EYA1: variants seen among roughly 807,000 people sequenced by gnomAD.
EYA1 encodes the protein EYA transcriptional coactivator and phosphatase 1, also known as protein phosphatase EYA1.
A neutral mutation model predicts 82.0 loss-of-function variants in EYA1; 16 were observed. The observed-to-expected ratio is 0.20, with a 90% CI of 0.13 to 0.30. The LOEUF (loss-of-function observed/expected upper bound fraction) is 0.30. Ranked by LOEUF, EYA1 falls within the 10% of genes least tolerant of loss-of-function variation. The pLI is 1.00. For synonymous variants in EYA1, 261 were observed against 264.4 expected, an observed-to-expected ratio of 0.99 and a Z score of 0.12; for missense variants, 633 against 730.7, an observed-to-expected ratio of 0.87 and a Z score of 1.54.
At chr8:71,280,733 G>T (rs1176469762) in intron 9 of EYA1, among the ~76,000 whole-genome samples, 3 of 152,100 alleles carry the variant, frequency 2.0e-5, no homozygotes, top group Admixed American at 2.0e-4. Context: ...GGAGAACAAT[G>T]TTGGAAAACT....
intron 1 of EYA1, among the ~76,000 whole-genome samples, chr8:71,545,292 G>T (rs1008934266): frequency 6.6e-6 from 1 of 152,056 alleles, no homozygotes; most frequent in Admixed American, 6.5e-5. Context: ...CTTCATAAAG[G>T]ATAAAAGGTC....
intron 3 of EYA1, among the ~76,000 whole-genome samples, chr8:71,339,449 T>C: frequency 6.6e-6 from 1 of 152,176 alleles, no homozygotes; most frequent in East Asian, 1.9e-4. Context: ...ACCCTGTTGC[T>C]TGCCAGACCC....
chr8:71,349,802 C>T (rs776220333), intron 3 of EYA1, among the ~76,000 whole-genome samples: 23 of 152,056 alleles, frequency 1.5e-4, no homozygotes, highest in Non-Finnish European at 3.2e-4. Context: ...ATGTTGTTGA[C>T]AATGTTTTAA....
intron 2 of EYA1, chr8:71,404,130 T>A (rs1830094477): frequency 6.6e-6 from 1 of 152,180 alleles, no homozygotes; most frequent in South Asian, 2.1e-4. Context: ...ACATATTTCA[T>A]CCCTACTTAG....
Position 71,494,109 on chromosome 8 carries a change from C to A in EYA1, c.33+41635G>T, listed in dbSNP as rs116008201. On this transcript the variant is annotated intron_variant, in intron 2 of 18. Transcript: ENST00000643681. ...TTATAAGAATTTTCAAAATAAAATCCAGTTTAAACTTATTAGGTTTTATTA... is the reference window on the plus strand; with the variant it reads ...TTATAAGAATTTTCAAAATAAAATCAAGTTTAAACTTATTAGGTTTTATTA... Among the ~76,000 whole-genome samples, 27 of 149,604 alleles carry A rather than the reference C, an allele frequency of 1.8e-4. 1 individual carries two copies. The highest frequency in any genetic ancestry group is 3.8e-4 in the Non-Finnish European group (26 of 67,546).
chr8:71,214,392 C>T (rs568314255), intron 16 of EYA1, among the ~76,000 whole-genome samples: 28 of 152,288 alleles, frequency 1.8e-4, no homozygotes, highest in Admixed American at 4.6e-4. Flanking sequence ...AGCCCATCTA[C>T]CTGTTGAACT....
chr8:71,203,392 C>T (rs1277210114), intron 17 of EYA1, among the ~76,000 whole-genome samples: 1 of 152,136 alleles, frequency 6.6e-6, no homozygotes, highest in Non-Finnish European at 1.5e-5. Context: ...AATTTTATTA[C>T]AGTGTAAGGC....
At chr8:71,510,265 T>C (rs1409024335) in intron 2 of EYA1, among the ~76,000 whole-genome samples, 2 of 152,084 alleles carry the variant, frequency 1.3e-5, no homozygotes, top group South Asian at 2.1e-4. Context: ...CTCACCACGA[T>C]TGAAAACACA....
chr8:71,534,604 G>A (rs1469962192), intron 2 of EYA1, among the ~76,000 whole-genome samples: 1 of 152,134 alleles, frequency 6.6e-6, no homozygotes, highest in Non-Finnish European at 1.5e-5. Flanking sequence ...ATGCTTCAGG[G>A]ACATGGATGA....
At chr8:71,414,710 C>T (rs1274731581) in intron 2 of EYA1, among the ~76,000 whole-genome samples, 2 of 152,202 alleles carry the variant, frequency 1.3e-5, no homozygotes, top group African/African-American at 4.8e-5. Flanking sequence ...AGCCAAGTCA[C>T]ATGGGAACTC....
rs148401719 is a variant in EYA1 at position 71,280,666 on chromosome 8, T to C, written c.827-8769A>G. 4.7e-3 allele frequency among the ~76,000 whole-genome samples: 719 copies of C among 152,362 alleles called. 2 individuals are homozygous for C. Among genetic ancestry groups the C allele is most frequent in the Non-Finnish European group, 6.9e-3 (472 of 68,026 alleles). ...CCACTGAAACCAAATGCTCACAACA[T>C]GGAATGTATACATGTGCACACATTC... is the stretch of plus-strand genomic sequence containing the variant. On this transcript the variant is annotated intron_variant, in intron 9 of 17. Coordinates refer to ENST00000340726, the MANE Select transcript of EYA1 (RefSeq NM_000503.6).
In EYA1 at chr8:71,215,373, G is replaced by T. The variant is rs1809054379; in HGVS notation, c.1597+14C>A. 6.2e-7 allele frequency: 1 copy of T among 1,610,826 alleles called. No individual in the cohort carries two copies. The highest frequency in any genetic ancestry group is 2.2e-5 in the East Asian group (1 of 44,828). On this transcript the variant is annotated intron_variant, in intron 16 of 17. Coordinates refer to ENST00000340726, the MANE Select transcript of EYA1 (RefSeq NM_000503.6). ...AAAGAGCTGATTGTTAAAAAGAAAA[G>T]AAAAGCAGCTCACCTATTTTAGTTG... is the stretch of plus-strand genomic sequence containing the variant.
intron 9 of EYA1, among the ~76,000 whole-genome samples, chr8:71,280,266 C>T (rs1038636011): frequency 3.3e-5 from 5 of 152,136 alleles, no homozygotes; most frequent in African/African-American, 7.2e-5. Context: ...AAGAAAAATT[C>T]GAAGACCCTA....
rs555865274 is a variant in EYA1, at chr8:71,425,214, C to T, written c.34-68703G>A. Among the ~76,000 whole-genome samples, 974 of 150,282 alleles carry T rather than the reference C, an allele frequency of 6.5e-3. 9 individuals carry two copies. Among genetic ancestry groups the T allele is most frequent in the Non-Finnish European group, 9.4e-3 (638 of 67,794 alleles). On this transcript the variant is annotated intron_variant, in intron 2 of 18. Transcript: ENST00000643681. ...AGGAGAATGGTGTGAACCCGGGAGG[C>T]AGAGCTTGCAGGGAGCTGAGATCAT... is the stretch of plus-strand genomic sequence containing the variant.
chr8:71,461,605 G>A (rs1030803143), intron 2 of EYA1, among the ~76,000 whole-genome samples: 1 of 152,186 alleles, frequency 6.6e-6, no homozygotes, highest in Non-Finnish European at 1.5e-5. Flanking sequence ...AATGTGGCAA[G>A]GAAGGGGCAT....
In EYA1 at chr8:71,264,753, A is replaced by AT. The variant is rs568779440; in HGVS notation, c.1050+4986dup. Among the ~76,000 whole-genome samples, 607 of 147,244 alleles carry AT rather than the reference A, an allele frequency of 4.1e-3. 1 individual carries two copies. Among genetic ancestry groups the AT allele is most frequent in the African/African-American group, 0.013 (533 of 40,206 alleles). ...GCCACCACACCCAGCTAATTTTTGTATTTTTTTTTTGTAGCGATGGACTCT... is the reference window on the plus strand; with the variant it reads ...GCCACCACACCCAGCTAATTTTTGTATTTTTTTTTTTGTAGCGATGGACTCT... On this transcript the variant is annotated intron_variant, in intron 11 of 17. Transcript: ENST00000340726.
chr8:71,366,478 C>T (rs1827763527), upstream of EYA1, among the ~76,000 whole-genome samples: 1 of 152,142 alleles, frequency 6.6e-6, no homozygotes, highest in Non-Finnish European at 1.5e-5. Context: ...GTTGTTTCTT[C>T]GCCAAGATTT....
chr8:71,213,631 T>C (rs906156318), intron 16 of EYA1, among the ~76,000 whole-genome samples: 1 of 152,214 alleles, frequency 6.6e-6, no homozygotes, highest in African/African-American at 2.4e-5. Context: ...CATCAGTCAT[T>C]CTCAAACTCC....
chr8:71,450,344 T>C (rs1319082674), intron 2 of EYA1, among the ~76,000 whole-genome samples: 1 of 152,236 alleles, frequency 6.6e-6, no homozygotes, highest in Non-Finnish European at 1.5e-5. Flanking sequence ...GAGGCCATTG[T>C]AGGGTTATTA....
Sources: allele counts gnomAD v4.1 joint callset (sites outside exome capture counted in the v4.1 genomes callset), GRCh38; gene constraint gnomAD v4.1.1; transcripts MANE v1.5; gene names NCBI Gene and HGNC (gene_info 2026-07-23, HGNC 2026-07-21).